The following COG5 variants were observed in gnomAD, a reference collection of about 807,000 sequenced individuals.
The protein encoded by COG5 is conserved oligomeric Golgi complex subunit 5.
A neutral mutation model predicts 110.4 loss-of-function variants in COG5; 86 were observed. The ratio of observed to expected loss-of-function variants is 0.78; its 90% CI spans 0.65 to 0.93. The LOEUF is 0.93. Among genes scored for constraint, COG5 ranks in the 40% least tolerant of loss-of-function variants. COG5 has a pLI of 0.00. For missense variants in COG5, 1,077 were observed against 987.0 expected (o/e 1.09, Z -1.22); for synonymous variants, 360 against 334.6 (o/e 1.08, Z -0.83).
intron 6 of COG5, among the ~76,000 whole-genome samples, chr7:107,449,893 CA>C (rs1167897278): frequency 2.0e-5 from 3 of 151,974 alleles, no homozygotes; most frequent in East Asian, 3.9e-4. Flanking sequence ...ATGATTGCTA[CA>C]AAAAAGGCAC....
At chr7:107,359,316 A>G (rs1370396906) in intron 10 of COG5, among the ~76,000 whole-genome samples, 6 of 152,204 alleles carry the variant, frequency 3.9e-5, no homozygotes, top group Non-Finnish European at 1.5e-5. Flanking sequence ...GACTCAGGGC[A>G]GCACACCAGC....
rs1422365874 is a variant in COG5 at position 107,295,091 on chromosome 7, ATATATATATATT to A, written c.1313+3039_1313+3050del. Among the ~76,000 whole-genome samples, 379 of 74,490 alleles carry A rather than the reference ATATATATATATT, an allele frequency of 5.1e-3. 4 individuals are homozygous for A. The highest frequency in any genetic ancestry group is 0.018 in the African/African-American group (348 of 19,034). The allele number at this position is 74,490 out of a possible 152,430, so 48.9% of individuals were successfully genotyped here. On this transcript the variant is annotated intron_variant, in intron 12 of 21. Transcript: ENST00000297135. Reference sequence around the variant, plus strand: ...CATATATATATATATATATATATATATATATATATATTTTTTTTTTTTTTTTGTAGAGTCAGG... The same window carrying A: ...CATATATATATATATATATATATATATTTTTTTTTTTTTTGTAGAGTCAGG...
chr7:107,448,061 C>G (rs1190150642), intron 6 of COG5, among the ~76,000 whole-genome samples: 1 of 152,060 alleles, frequency 6.6e-6, no homozygotes, highest in Non-Finnish European at 1.5e-5. Flanking sequence ...GAGGCTGAGG[C>G]AGGAGAATCA....
At position 107,473,984 on chromosome 7, in the gene COG5, C is replaced by T. The variant is rs189832337; in HGVS notation, c.538+53253G>A. 1,467 of 707,406 alleles carry T rather than the reference C, an allele frequency of 2.1e-3. 2 individuals are homozygous for T. Among genetic ancestry groups the T allele is most frequent in the Middle Eastern group, 0.011 (42 of 3,872 alleles). The allele number at this position is 707,406 out of a possible 1,614,324, so 43.8% of individuals were successfully genotyped here. A position where few individuals can be genotyped will look rare whatever the true frequency, so the allele number is the denominator to read the frequency against. ...TTTTTCTTACAAAGAACACGTTATACGTCATTTAAATTGCCAAATATCAAA... is the reference window on the plus strand; with the variant it reads ...TTTTTCTTACAAAGAACACGTTATATGTCATTTAAATTGCCAAATATCAAA... On this transcript the variant is annotated intron_variant, in intron 6 of 21. Transcript: ENST00000297135.
Position 107,519,406 on chromosome 7 carries a change from T to C in COG5, c.538+7831A>G, listed in dbSNP as rs188111923. Reference sequence around the variant, plus strand: ...TAACAAAATAGAGCATTAGCTAGACTAATAAAGAAAAGAGAGAAGAATCAA... The same window carrying C: ...TAACAAAATAGAGCATTAGCTAGACCAATAAAGAAAAGAGAGAAGAATCAA... On this transcript the variant is annotated intron_variant, in intron 6 of 21. Transcript: ENST00000297135. Among the ~76,000 whole-genome samples the C allele has an allele frequency of 7.9e-5, 12 of 151,344 alleles. No homozygotes were observed. In the East Asian group the frequency reaches 2.3e-3, roughly 29 times the overall value.
chr7:107,553,781 G>GA (rs1267957934), intron 3 of COG5, among the ~76,000 whole-genome samples: 3 of 151,822 alleles, frequency 2.0e-5, no homozygotes, highest in Admixed American at 1.3e-4. Context: ...GCAAAAATAA[G>GA]AAAAAAAATT....
In COG5 at chr7:107,253,354, C is replaced by T. The variant is rs555221435; in HGVS notation, c.1749+3378G>A. ...TTACAAAGCAGGGAAATATGTTATA[C>T]ATTTTAAAAAGATTTACCTAAAATA... On this transcript the variant is annotated intron_variant, in intron 16 of 21. Transcript: ENST00000297135. 320 of 152,180 alleles carry T rather than the reference C, an allele frequency of 2.1e-3. 1 individual carries two copies. The highest frequency in any genetic ancestry group is 7.3e-3 in the African/African-American group (303 of 41,536). The allele number at this position is 152,180 out of a possible 1,614,324, so 9.4% of individuals were successfully genotyped here.
At chr7:107,316,657 C>CAAAAAAAAAAA (rs760555445) in intron 11 of COG5, among the ~76,000 whole-genome samples, 31 of 75,886 alleles carry the variant, frequency 4.1e-4, no homozygotes, top group East Asian at 1.5e-3. Flanking sequence ...ACTAAAAATA[C>CAAAAAAAAAAA]AAAAAAAAAA....
chr7:107,289,907 C>T (rs1806022410), intron 12 of COG5, among the ~76,000 whole-genome samples: 1 of 152,160 alleles, frequency 6.6e-6, no homozygotes, highest in African/African-American at 2.4e-5. Context: ...AAAAGTTAAG[C>T]TTGGAAATTG....
At chr7:107,322,406 A>G (rs1809385664) in intron 11 of COG5, among the ~76,000 whole-genome samples, 1 of 152,168 alleles carries the variant, frequency 6.6e-6, no homozygotes, top group Non-Finnish European at 1.5e-5. Context: ...TTTCTCCAGA[A>G]CTGTGAGAAA....
At chr7:107,465,831 T>A (rs1345303987) in intron 6 of COG5, among the ~76,000 whole-genome samples, 1 of 152,140 alleles carries the variant, frequency 6.6e-6, no homozygotes, top group Non-Finnish European at 1.5e-5. Flanking sequence ...GCAGCCTTCT[T>A]ACAAAAATGT....
At chr7:107,245,724 A>G (rs995747629) in intron 17 of COG5, among the ~76,000 whole-genome samples, 2 of 152,254 alleles carry the variant, frequency 1.3e-5, no homozygotes, top group African/African-American at 4.8e-5. Context: ...AGACACAAAC[A>G]AATGGAAGAA....
At chr7:107,349,063 G>T (rs1811892411) in intron 10 of COG5, among the ~76,000 whole-genome samples, 1 of 151,968 alleles carries the variant, frequency 6.6e-6, no homozygotes, top group Admixed American at 6.6e-5. Flanking sequence ...CTGAACAATG[G>T]ATTGTACATT....
At chr7:107,281,535 G>T (rs191362599) in intron 13 of COG5, 136 bp from the exon 14 acceptor site, 1 of 712,086 alleles carries the variant, frequency 1.4e-6, no homozygotes, top group Non-Finnish European at 2.4e-6. Flanking sequence ...AGAACTGGTT[G>T]CATTGTTTCA....
intron 7 of COG5, among the ~76,000 whole-genome samples, chr7:107,398,950 C>T (rs1323522060): frequency 6.6e-6 from 1 of 152,008 alleles, no homozygotes; most frequent in Non-Finnish European, 1.5e-5. Flanking sequence ...ACCTGTAATC[C>T]CAGCACTTTG....
intron 6 of COG5, among the ~76,000 whole-genome samples, chr7:107,436,194 A>C (rs1794355121): frequency 6.6e-6 from 1 of 152,204 alleles, no homozygotes; most frequent in African/African-American, 2.4e-5. Context: ...TAGCCAAGAC[A>C]CTGAAGCAAC....
intron 6 of COG5, among the ~76,000 whole-genome samples, chr7:107,413,196 T>A (rs953001490): frequency 2.6e-5 from 4 of 151,908 alleles, no homozygotes; most frequent in Admixed American, 6.6e-5. Context: ...TCTTTTTTTT[T>A]AAGAGACAGG....
intron 6 of COG5, among the ~76,000 whole-genome samples, chr7:107,507,939 C>T (rs897310142): frequency 2.0e-5 from 3 of 152,208 alleles, no homozygotes; most frequent in African/African-American, 7.2e-5. Context: ...ACAGGAACAG[C>T]TCCCAGCGTG....
chr7:107,291,440 G>A (rs1047021247), intron 12 of COG5, among the ~76,000 whole-genome samples: 13 of 152,102 alleles, frequency 8.5e-5, no homozygotes, highest in African/African-American at 2.9e-4. Context: ...TCTAAGGCTT[G>A]TTATTGTTGT....
Sources: gnomAD v4.1 joint callset for allele counts (sites outside exome capture counted in the v4.1 genomes callset) on GRCh38, gnomAD v4.1.1 for gene constraint, MANE v1.5 for transcripts, NCBI Gene and HGNC (gene_info 2026-07-23, HGNC 2026-07-21) for gene names.